The following DOCK10 variants were observed in gnomAD, a reference collection of about 807,000 sequenced individuals.
DOCK10 encodes the protein dedicator of cytokinesis protein 10.
Under a neutral mutation model 280.1 loss-of-function variants are expected in DOCK10, and 145 were observed. That is an observed-to-expected ratio of 0.52 (90% CI 0.45 to 0.59). The LOEUF (loss-of-function observed/expected upper bound fraction) is 0.59, where lower values mean the gene tolerates loss of function less well. Ranked by LOEUF, DOCK10 falls within the 20% of genes least tolerant of loss-of-function variation. The pLI, the probability that DOCK10 is intolerant of heterozygous loss-of-function variation, is 0.00. For missense variants in DOCK10, 2,368 were observed against 2,651.7 expected (o/e 0.89, Z 2.35); for synonymous variants, 915 against 942.2 (o/e 0.97, Z 0.53).
At position 224,992,012 on chromosome 2, in the gene DOCK10, T is replaced by C. The variant is rs146798815; in HGVS notation, c.123+50240A>G. Among the ~76,000 whole-genome samples, 13 of 152,268 alleles carry C rather than the reference T, an allele frequency of 8.5e-5. No individual in the cohort carries two copies. In the East Asian group the frequency reaches 2.5e-3, roughly 29 times the overall value. On this transcript the variant is annotated intron_variant, in intron 1 of 55. Transcript: ENST00000258390. The stretch of plus-strand genomic sequence containing the variant: ...TAATGCATCAAGAAAAACCAAATTA[T>C]GTCCAAGTGGCCTTGGGTTCAGGAG...
chr2:224,997,763 C>A (rs756552935), intron 1 of DOCK10, among the ~76,000 whole-genome samples: 1 of 152,104 alleles, frequency 6.6e-6, no homozygotes, highest in Non-Finnish European at 1.5e-5. Context: ...GGGCTATGTA[C>A]TAACAGGCTT....
At chr2:224,835,376 G>A (rs1017617915) in intron 25 of DOCK10, among the ~76,000 whole-genome samples, 8 of 152,180 alleles carry the variant, frequency 5.3e-5, no homozygotes, top group Admixed American at 2.0e-4. Flanking sequence ...ACAAATCACT[G>A]TTAACCATGG....
intron 1 of DOCK10, among the ~76,000 whole-genome samples, chr2:225,005,887 CA>C (rs1689233848): frequency 6.6e-6 from 1 of 152,120 alleles, no homozygotes; most frequent in South Asian, 2.1e-4. Context: ...TGAAACCACC[CA>C]AAATAATTTA....
At chr2:224,806,093 T>TA (rs1266457388) in intron 34 of DOCK10, 33 bp downstream of exon 34, 1 of 1,324,440 alleles carries the variant, frequency 7.6e-7, no homozygotes, top group Non-Finnish European at 1.1e-6. Flanking sequence ...GGATGAGTGT[T>TA]AAAAATAAGT....
In DOCK10 at chr2:224,801,776, C is replaced by T. The variant is rs1693032216; in HGVS notation, c.4393+140G>A. The stretch of plus-strand genomic sequence containing the variant: ...GCACTACATTTTTTTTTAACCACTC[C>T]CTGGTGAGTCTTTCCCTTAAGAAAT... On this transcript the variant is annotated intron_variant, in intron 40 of 55. Coordinates refer to ENST00000258390, the MANE Select transcript of DOCK10 (RefSeq NM_014689.3). 3.2e-6 allele frequency: 3 copies of T among 926,998 alleles called. No individual in the cohort carries two copies. In the South Asian group the frequency reaches 5.0e-5, roughly 15 times the overall value. The allele number at this position is 926,998 out of a possible 1,614,324, so 57.4% of individuals were successfully genotyped here.
intron 51 of DOCK10, among the ~76,000 whole-genome samples, chr2:224,777,150 AG>A (rs1315015430): frequency 6.6e-6 from 1 of 152,198 alleles, no homozygotes; most frequent in African/African-American, 2.4e-5. Flanking sequence ...CTAAAAGAAG[AG>A]GTAAGTATTT....
intron 1 of DOCK10, among the ~76,000 whole-genome samples, chr2:225,017,220 C>T (rs576005102): frequency 4.9e-4 from 75 of 151,710 alleles, no homozygotes; most frequent in Admixed American, 7.9e-4. Flanking sequence ...TCATCTCGTA[C>T]AGCTTCAGGT....
Position 224,874,118 on chromosome 2 carries a change from G to A in DOCK10, c.1135C>T (p.Pro379Ser), listed in dbSNP as rs374506514. The change falls in exon 11 of 56, where the codon CCT becomes TCT. Residue 379 changes from proline to serine, a missense_variant. Physicochemically the swap from Pro to Ser is moderately conservative, Grantham distance 74. Coordinates refer to ENST00000258390, the MANE Select transcript of DOCK10 (RefSeq NM_014689.3). ...TCAAATGGTTTGATCACAGACTCAG[G>A]TTCCAAGAGATCTTTTTTTTGAAGT... ...LKLQKKDLLE[P>S]ESVIKPFEEK... 286 of 1,604,586 alleles carry A rather than the reference G, an allele frequency of 1.8e-4. No individual in the cohort carries two copies. The highest frequency in any genetic ancestry group is 3.3e-4 in the Middle Eastern group (2 of 6,048).
At chr2:224,964,915 T>C (rs1428451352) in intron 1 of DOCK10, among the ~76,000 whole-genome samples, 1 of 152,246 alleles carries the variant, frequency 6.6e-6, no homozygotes, top group Admixed American at 6.5e-5. Context: ...GGTAGAGACA[T>C]AGGACAATGT....
chr2:224,842,285 C>T (rs763484062), intron 22 of DOCK10, among the ~76,000 whole-genome samples: 5 of 152,178 alleles, frequency 3.3e-5, no homozygotes, highest in Admixed American at 6.5e-5. Flanking sequence ...CATGACAATG[C>T]GTACTCTTTA....
chr2:225,018,513 T>TTA lies in DOCK10; in HGVS notation c.123+23737_123+23738dup, dbSNP rs529656470. ...ATATATATATAATATATATGTAATA[T>TTA]TATATATATATAATATATATGTAAT... On this transcript the variant is annotated intron_variant, in intron 1 of 55. Coordinates refer to ENST00000258390, the MANE Select transcript of DOCK10 (RefSeq NM_014689.3). Among the ~76,000 whole-genome samples, 66 of 109,340 alleles carry TTA rather than the reference T, an allele frequency of 6.0e-4. 3 individuals carry two copies. The highest frequency in any genetic ancestry group is 2.8e-3 in the African/African-American group (59 of 21,342). The allele number at this position is 109,340 out of a possible 152,430, so 71.7% of individuals were successfully genotyped here.
At chr2:224,796,207 G>A in intron 44 of DOCK10, 109 bp downstream of exon 44, 1 of 731,302 alleles carries the variant, frequency 1.4e-6, no homozygotes, top group South Asian at 1.7e-5. Flanking sequence ...GGGAATACAG[G>A]CGTGAACCAC....
chr2:224,980,998 A>G (rs762903288), intron 1 of DOCK10, among the ~76,000 whole-genome samples: 7 of 152,156 alleles, frequency 4.6e-5, no homozygotes, highest in Non-Finnish European at 8.8e-5. Flanking sequence ...ACAAAATTAG[A>G]AAAATAAGAC....
At chr2:225,036,336 T>C (rs895367103) in intron 1 of DOCK10, among the ~76,000 whole-genome samples, 2 of 152,200 alleles carry the variant, frequency 1.3e-5, no homozygotes, top group African/African-American at 4.8e-5. Context: ...CTAAATCCCA[T>C]TTTCGTTTCT....
At chr2:224,905,516 T>C (rs192610852) in intron 3 of DOCK10, among the ~76,000 whole-genome samples, 316 of 152,322 alleles carry the variant, frequency 2.1e-3, no homozygotes, top group Middle Eastern at 0.01. Context: ...CCCAAAGTGC[T>C]GGGATTACAG....
intron 1 of DOCK10, chr2:224,947,007 C>T: frequency 6.7e-7 from 1 of 1,503,180 alleles, no homozygotes; most frequent in Non-Finnish European, 8.9e-7. Context: ...TCGTTAAACT[C>T]TTCTCTTCTG....
At chr2:224,779,229 T>C (rs1691115908) in intron 50 of DOCK10, among the ~76,000 whole-genome samples, 1 of 151,766 alleles carries the variant, frequency 6.6e-6, no homozygotes, top group Admixed American at 6.6e-5. Flanking sequence ...TTTCTTTTTT[T>C]TTTTTTGGCA....
At chr2:224,942,425 T>G (rs115779449) in intron 1 of DOCK10, among the ~76,000 whole-genome samples, 2,284 of 152,354 alleles carry the variant, frequency 0.015, 55 homozygotes, top group African/African-American at 0.052. Context: ...CTGCTTTCCT[T>G]TGTGTTTCAA....
At chr2:224,884,766 C>A (rs1699178831) in intron 7 of DOCK10, among the ~76,000 whole-genome samples, 1 of 152,182 alleles carries the variant, frequency 6.6e-6, no homozygotes, top group Non-Finnish European at 1.5e-5. Context: ...AAAGATGCTG[C>A]ATATGTACAC....
Sources: gnomAD v4.1 joint callset for allele counts (sites outside exome capture counted in the v4.1 genomes callset) on GRCh38, gnomAD v4.1.1 for gene constraint, MANE v1.5 for transcripts, NCBI Gene and HGNC (gene_info 2026-07-23, HGNC 2026-07-21) for gene names.